Variants in TNFRSF11A observed in about 807,000 individuals in gnomAD.
TNFRSF11A encodes TNF receptor superfamily member 11a.
A neutral mutation model predicts 55.7 loss-of-function variants in TNFRSF11A; 32 were observed. That is an observed-to-expected ratio of 0.57 (90% CI 0.43 to 0.77). The LOEUF is 0.77. Among genes scored for constraint, TNFRSF11A ranks in the 30% least tolerant of loss-of-function variants. The probability of loss-of-function intolerance (pLI) is 0.00; values close to 1 mark genes in which losing one functional copy is unlikely to be tolerated. For missense variants in TNFRSF11A, 753 were observed against 809.8 expected (o/e 0.93, Z 0.85); for synonymous variants, 311 against 331.0 (o/e 0.94, Z 0.65).
chr18:62,388,912 C>T lies in TNFRSF11A; in HGVS notation c.*3878C>T, dbSNP rs377648725. The T allele has an allele frequency of 2.0e-5, 3 of 152,278 alleles. No homozygotes were observed. The highest frequency in any genetic ancestry group is 4.4e-5 in the Non-Finnish European group (3 of 68,016). 9.4% of individuals were successfully genotyped at this position (152,278 alleles called of 1,614,324 possible). ...CAGCTCAACAAACAAACTCTTGTTA[C>T]GATTATACAAGGGTGAGCTTGAGCA... On this transcript the variant is annotated 3_prime_UTR_variant, in exon 10 of 10. Coordinates refer to ENST00000586569, the MANE Select transcript of TNFRSF11A (RefSeq NM_003839.4).
chr18:62,359,911 C>A, intron 5 of TNFRSF11A, 44 bp from the exon 6 acceptor site: 1 of 1,556,318 alleles, frequency 6.4e-7, no homozygotes, highest in Non-Finnish European at 8.9e-7. Context: ...TTTTAAAAAA[C>A]AAGCTTATAA....
At chr18:62,339,954 T>G (rs560681334) in intron 1 of TNFRSF11A, among the ~76,000 whole-genome samples, 1 of 152,156 alleles carries the variant, frequency 6.6e-6, no homozygotes, top group Admixed American at 6.5e-5. Context: ...TGCTTTTAAG[T>G]TGGAGTTTTG....
rs1020903615 is a variant in TNFRSF11A at position 62,354,408 on chromosome 18, G to A, written c.301G>A (p.Val101Met). 1 of 1,584,748 alleles carries A rather than the reference G, an allele frequency of 6.3e-7. No homozygotes were observed. The highest frequency in any genetic ancestry group is 8.5e-7 in the Non-Finnish European group (1 of 1,171,100). Residue 101 changes from valine (V) to methionine (M), a missense_variant, in exon 4 of 10, where the codon GTG becomes ATG. Val to Met is a conservative substitution (Grantham distance 21). This residue lies in a region of TNFRSF11A where 156 missense variants were observed against 155.1 expected (regional missense o/e 1.01). Coordinates refer to ENST00000586569, the MANE Select transcript of TNFRSF11A (RefSeq NM_003839.4). Reference protein sequence around the residue: ...VCDTGKALVAVVAGNSTTPRR... With the variant: ...VCDTGKALVAMVAGNSTTPRR... Reference sequence around the variant, plus strand: ...TCCCGCAGGCAAGGCCCTGGTGGCCGTGGTCGCCGGCAACAGCACGACCCC... The same window carrying A: ...TCCCGCAGGCAAGGCCCTGGTGGCCATGGTCGCCGGCAACAGCACGACCCC...
intron 1 of TNFRSF11A, among the ~76,000 whole-genome samples, chr18:62,332,049 T>G (rs1430581166): frequency 3.9e-5 from 6 of 152,200 alleles, no homozygotes; most frequent in Admixed American, 3.3e-4. Flanking sequence ...AGCCACTTCC[T>G]CAAGCTATCA....
At chr18:62,328,728 C>T (rs570079196) in intron 1 of TNFRSF11A, among the ~76,000 whole-genome samples, 3 of 152,324 alleles carry the variant, frequency 2.0e-5, no homozygotes, top group Admixed American at 1.3e-4. Context: ...TGGATATATG[C>T]AGTCATGCCT....
intron 6 of TNFRSF11A, 97 bp from the exon 7 acceptor site, chr18:62,361,583 T>G: frequency 8.1e-7 from 1 of 1,239,778 alleles, no homozygotes; most frequent in Non-Finnish European, 1.2e-6. Context: ...CAGACCAACA[T>G]TTTTGATTCT....
At chr18:62,373,348 A>G (rs546254322) in intron 9 of TNFRSF11A, among the ~76,000 whole-genome samples, 1 of 152,336 alleles carries the variant, frequency 6.6e-6, no homozygotes, top group South Asian at 2.1e-4. Context: ...AATCCCAGCT[A>G]CTTGAGAAGC....
Position 62,385,160 on chromosome 18 carries a change from C to T in TNFRSF11A, c.*126C>T, listed in dbSNP as rs548628692. ...CAGTCGAGGAAGACCACCCGGCATTCTCTGCCCACTTTGCCTTCCAGGAAA... is the reference window on the plus strand; with the variant it reads ...CAGTCGAGGAAGACCACCCGGCATTTTCTGCCCACTTTGCCTTCCAGGAAA... On this transcript the variant is annotated 3_prime_UTR_variant, in exon 10 of 10. Transcript: ENST00000586569. 327 of 1,124,974 alleles carry T rather than the reference C, an allele frequency of 2.9e-4. 1 individual carries two copies. In the East Asian group the frequency reaches 9.6e-3, roughly 33 times the overall value. The allele number at this position is 1,124,974 out of a possible 1,614,324, so 69.7% of individuals were successfully genotyped here. A position where few individuals can be genotyped will look rare whatever the true frequency, so the allele number is the denominator to read the frequency against.
Position 62,325,416 on chromosome 18 carries a change from G to C in TNFRSF11A, c.64G>C (p.Ala22Pro). The change falls in exon 1 of 10, where the codon GCC becomes CCC. Residue 22 changes from alanine (A) to proline (P), a missense_variant. Transcript: ENST00000586569. The surrounding 1 kb of genome is among the most constrained non-coding windows in gnomAD (Gnocchi z 4.7). ...FALLLLCALL[A>P]RLQVALQIAP... ...GCTGCTGCTGCTCTGCGCGCTGCTC[G>C]CCCGGCTGCAGGTAAGGAGCGCCCG... The C allele has an allele frequency of 8.0e-7, 1 of 1,256,654 alleles. No individual in the cohort carries two copies. The highest frequency in any genetic ancestry group is 1.6e-5 in the African/African-American group (1 of 62,358). The allele number at this position is 1,256,654 out of a possible 1,614,324, so 77.8% of individuals were successfully genotyped here.
At chr18:62,341,835 G>GTTTTTTTTTTTTTTTT (rs1568475429) in intron 1 of TNFRSF11A, among the ~76,000 whole-genome samples, 3 of 68,852 alleles carry the variant, frequency 4.4e-5, no homozygotes, top group Non-Finnish European at 2.5e-5. Flanking sequence ...GCTGAGAATG[G>GTTTTTTTTTTTTTTTT]CTTTTTTTTT....
At chr18:62,342,884 G>A (rs2046334093) in intron 1 of TNFRSF11A, among the ~76,000 whole-genome samples, 1 of 152,202 alleles carries the variant, frequency 6.6e-6, no homozygotes, top group Admixed American at 6.5e-5. Flanking sequence ...CCTTTTATAT[G>A]TTTGTTGTTT....
At chr18:62,382,050 A>C (rs1911326780) in intron 9 of TNFRSF11A, among the ~76,000 whole-genome samples, 1 of 150,660 alleles carries the variant, frequency 6.6e-6, no homozygotes, top group Non-Finnish European at 1.5e-5. Context: ...TAGTTGACAC[A>C]CTGATTATTT....
At chr18:62,352,856 C>T (rs1162923931) in intron 3 of TNFRSF11A, among the ~76,000 whole-genome samples, 1 of 152,194 alleles carries the variant, frequency 6.6e-6, no homozygotes, top group Non-Finnish European at 1.5e-5. Flanking sequence ...CCCCTCCCTA[C>T]TGGCTGTAAC....
chr18:62,332,255 A>G (rs1179741585), intron 1 of TNFRSF11A, among the ~76,000 whole-genome samples: 1 of 152,174 alleles, frequency 6.6e-6, no homozygotes, highest in Non-Finnish European at 1.5e-5. Context: ...TAAAGTATTG[A>G]CTTTTTAAAA....
intron 9 of TNFRSF11A, among the ~76,000 whole-genome samples, chr18:62,370,006 A>G (rs1910415409): frequency 6.6e-6 from 1 of 152,238 alleles, no homozygotes; most frequent in African/African-American, 2.4e-5. Context: ...TCTATACCAA[A>G]TGAATGATAC....
At chr18:62,368,155 C>G (rs1910237503) in intron 8 of TNFRSF11A, among the ~76,000 whole-genome samples, 1 of 152,206 alleles carries the variant, frequency 6.6e-6, no homozygotes, top group South Asian at 2.1e-4. Context: ...ACTGATTTCT[C>G]TAATTCCAGG....
chr18:62,382,359 C>T (rs1600428463), intron 9 of TNFRSF11A, among the ~76,000 whole-genome samples: 1 of 152,218 alleles, frequency 6.6e-6, no homozygotes, highest in East Asian at 1.9e-4. Context: ...GATCTACTCG[C>T]CTCGGCCTCC....
chr18:62,327,808 T>G (rs1330320632), intron 1 of TNFRSF11A, among the ~76,000 whole-genome samples: 1 of 152,262 alleles, frequency 6.6e-6, no homozygotes, highest in African/African-American at 2.4e-5. Context: ...GCTATAAGTT[T>G]TGCCCTTTAA....
At chr18:62,352,060 C>T (rs543764556) in intron 3 of TNFRSF11A, among the ~76,000 whole-genome samples, 3 of 152,256 alleles carry the variant, frequency 2.0e-5, no homozygotes, top group African/African-American at 7.2e-5. Flanking sequence ...CCTCCCAAAG[C>T]GCTGGGATTA....
Sources: allele counts gnomAD v4.1 joint callset (sites outside exome capture counted in the v4.1 genomes callset), GRCh38; gene constraint gnomAD v4.1.1; regional missense constraint gnomAD v4.1.1; non-coding constraint Gnocchi (gnomAD v3.1); transcripts MANE v1.5; gene names NCBI Gene and HGNC (gene_info 2026-07-23, HGNC 2026-07-21).